Variants in THADA observed in about 807,000 individuals in gnomAD.
THADA encodes the protein tRNA (32-2'-O)-methyltransferase regulator THADA.
A neutral mutation model predicts 219.8 loss-of-function variants in THADA; 213 were observed. The observed-to-expected ratio is 0.97, with a 90% CI of 0.87 to 1.09. The LOEUF (loss-of-function observed/expected upper bound fraction) is 1.09, where lower values mean the gene tolerates loss of function less well. Ranked by LOEUF, THADA falls within the 50% of genes least tolerant of loss-of-function variation. The probability of loss-of-function intolerance (pLI) is 0.00; values close to 1 mark genes in which losing one functional copy is unlikely to be tolerated. For missense variants in THADA, 2,956 were observed against 2,311.3 expected, an observed-to-expected ratio of 1.28 and a Z score of -5.72; for synonymous variants, 1,018 against 828.9, an observed-to-expected ratio of 1.23 and a Z score of -3.92.
intron 26 of THADA, among the ~76,000 whole-genome samples, chr2:43,472,152 T>C (rs1684977852): frequency 6.6e-6 from 1 of 152,210 alleles, no homozygotes; most frequent in African/African-American, 2.4e-5. Context: ...TGGAATTTGA[T>C]CTTCATGGGA....
intron 36 of THADA, among the ~76,000 whole-genome samples, chr2:43,261,014 T>A (rs1271379493): frequency 9.5e-6 from 1 of 105,434 alleles, no homozygotes; most frequent in African/African-American, 5.2e-5. Flanking sequence ...TGTAGAGTGT[T>A]TTTTTTGGTA....
chr2:43,419,981 T>A (rs1303297457), intron 28 of THADA, among the ~76,000 whole-genome samples: 1 of 152,216 alleles, frequency 6.6e-6, no homozygotes, highest in Non-Finnish European at 1.5e-5. Context: ...TCGCCCTTGG[T>A]TCAAGTGGAA....
chr2:43,376,255 A>G (rs1260910314), intron 29 of THADA, among the ~76,000 whole-genome samples: 7 of 152,154 alleles, frequency 4.6e-5, no homozygotes, highest in Admixed American at 4.6e-4. Context: ...CTGAAGTAAT[A>G]CCCTCTTTAT....
intron 26 of THADA, among the ~76,000 whole-genome samples, chr2:43,470,418 G>A (rs544060525): frequency 2.0e-5 from 3 of 152,110 alleles, no homozygotes; most frequent in Non-Finnish European, 2.9e-5. Flanking sequence ...GAAACGAAAT[G>A]TTTAATAGTA....
At chr2:43,297,515 C>G (rs1406665283) in intron 31 of THADA, among the ~76,000 whole-genome samples, 4 of 116,988 alleles carry the variant, frequency 3.4e-5, no homozygotes, top group East Asian at 2.3e-4. Flanking sequence ...TCAGCCCCCC[C>G]GCCCGGCCAG....
intron 29 of THADA, among the ~76,000 whole-genome samples, chr2:43,370,905 A>C (rs1670723952): frequency 6.6e-6 from 1 of 152,242 alleles, no homozygotes; most frequent in African/African-American, 2.4e-5. Flanking sequence ...AACAATAACA[A>C]GTTAATGTTT....
At chr2:43,393,544 C>A (rs1224140313) in intron 29 of THADA, among the ~76,000 whole-genome samples, 3 of 151,956 alleles carry the variant, frequency 2.0e-5, no homozygotes, top group Admixed American at 6.6e-5. Flanking sequence ...CCAGTCTCTA[C>A]TAAAAATACA....
chr2:43,573,107 T>G (rs1574318833), intron 11 of THADA, 115 bp from the exon 12 acceptor site: 3 of 812,780 alleles, frequency 3.7e-6, no homozygotes, highest in Non-Finnish European at 5.4e-6. Context: ...AAAATCACAT[T>G]TTAAACTCAT....
At chr2:43,311,138 T>C (rs994417270) in intron 31 of THADA, among the ~76,000 whole-genome samples, 1 of 151,676 alleles carries the variant, frequency 6.6e-6, no homozygotes, top group African/African-American at 2.4e-5. Context: ...ATCGTGCCAT[T>C]GCACTCCAGC....
chr2:43,275,545 G>T (rs964277267), intron 36 of THADA, among the ~76,000 whole-genome samples: 13 of 152,234 alleles, frequency 8.5e-5, no homozygotes, highest in African/African-American at 3.1e-4. Context: ...TCTGCCTGGG[G>T]ACCTCCTGAT....
At chr2:43,275,468 G>C (rs1480282004) in intron 36 of THADA, among the ~76,000 whole-genome samples, 1 of 152,160 alleles carries the variant, frequency 6.6e-6, no homozygotes, top group Non-Finnish European at 1.5e-5. Context: ...CCCCCTGCCT[G>C]CCCTGTCCCC....
intron 28 of THADA, among the ~76,000 whole-genome samples, chr2:43,421,329 CG>C (rs1309156699): frequency 6.6e-6 from 1 of 152,096 alleles, no homozygotes; most frequent in African/African-American, 2.4e-5. Context: ...GGCTGGGCAG[CG>C]GGGGAAGGGT....
intron 30 of THADA, among the ~76,000 whole-genome samples, chr2:43,327,455 G>A (rs528365096): frequency 7.1e-6 from 1 of 141,112 alleles, no homozygotes; most frequent in Admixed American, 7.0e-5. Flanking sequence ...CAGGTGAGAA[G>A]GGGAGTGGGG....
intron 30 of THADA, among the ~76,000 whole-genome samples, chr2:43,334,173 A>G (rs746315922): frequency 6.6e-5 from 10 of 152,172 alleles, no homozygotes; most frequent in Non-Finnish European, 1.5e-4. Context: ...AGTGGGGTCC[A>G]GTAAGTAAGA....
chr2:43,591,510 G>C (rs1028949442), intron 3 of THADA, among the ~76,000 whole-genome samples: 5 of 151,230 alleles, frequency 3.3e-5, no homozygotes, highest in African/African-American at 9.7e-5. Flanking sequence ...TTACAGTAAA[G>C]AACAGCTGTA....
intron 36 of THADA, among the ~76,000 whole-genome samples, chr2:43,262,573 A>C (rs1671080790): frequency 6.6e-6 from 1 of 152,266 alleles, no homozygotes; most frequent in African/African-American, 2.4e-5. Context: ...TGTAGACATC[A>C]GGATTACCAA....
At chr2:43,414,842 C>T (rs1250350823) in intron 28 of THADA, among the ~76,000 whole-genome samples, 2 of 151,988 alleles carry the variant, frequency 1.3e-5, no homozygotes, top group Non-Finnish European at 2.9e-5. Context: ...TGGGAGGGCA[C>T]AAAGACAAGC....
At chr2:43,304,801 A>G (rs1676668207) in intron 31 of THADA, among the ~76,000 whole-genome samples, 1 of 151,866 alleles carries the variant, frequency 6.6e-6, no homozygotes, top group Admixed American at 6.6e-5. Context: ...CCTCCCGAGT[A>G]GCTGGGATTA....
chr2:43,591,240 C>T (rs1701532614), intron 3 of THADA, among the ~76,000 whole-genome samples: 1 of 152,080 alleles, frequency 6.6e-6, no homozygotes, highest in Non-Finnish European at 1.5e-5. Flanking sequence ...AGGAGGATTG[C>T]TTGAGCCCAG....
Sources: allele counts gnomAD v4.1 joint callset (sites outside exome capture counted in the v4.1 genomes callset), GRCh38; gene constraint gnomAD v4.1.1; transcripts MANE v1.5; gene names NCBI Gene and HGNC (gene_info 2026-07-23, HGNC 2026-07-21).